The following MAML3 variants were observed in gnomAD, a reference collection of about 807,000 sequenced individuals.
MAML3 encodes mastermind like transcriptional coactivator 3.
MAML3 carries 27 observed loss-of-function variants against 101.9 expected under a neutral mutation model. The observed-to-expected ratio is 0.27, with a 90% CI of 0.20 to 0.37. MAML3 has a LOEUF of 0.37. MAML3 is among the 10% of genes least tolerant of loss of function. The pLI is 1.00. For synonymous variants in MAML3, 501 were observed against 555.9 expected (o/e 0.90, Z 1.39); for missense variants, 1,316 against 1,444.9 (o/e 0.91, Z 1.45).
chr4:139,897,206 C>T (rs973648577), intron 1 of MAML3, among the ~76,000 whole-genome samples: 1 of 152,144 alleles, frequency 6.6e-6, no homozygotes. Flanking sequence ...TCTAGTAAAC[C>T]ACCATATTCC....
intron 1 of MAML3, among the ~76,000 whole-genome samples, chr4:139,922,527 AG>A (rs1341988641): frequency 4.6e-5 from 7 of 152,210 alleles, no homozygotes; most frequent in Non-Finnish European, 1.0e-4. Flanking sequence ...CTGAAAAATC[AG>A]GGGAATTAGA....
chr4:140,142,254 T>C (rs1728990371), intron 1 of MAML3, among the ~76,000 whole-genome samples: 1 of 152,140 alleles, frequency 6.6e-6, no homozygotes, highest in South Asian at 2.1e-4. Flanking sequence ...ATATATAATA[T>C]ATATGTAAGT....
rs1270073985 is a variant in MAML3, at chr4:140,023,802, C to CT, written c.468+129057dup. On this transcript the variant is annotated intron_variant, in intron 1 of 4. Coordinates refer to ENST00000509479, the MANE Select transcript of MAML3 (RefSeq NM_018717.5). ...AATGCTGTTAATTCTGACATTTTAA[C>CT]TTTTTCTTTTGGAAAAATTATCATA... is the stretch of plus-strand genomic sequence containing the variant. Among the ~76,000 whole-genome samples, 12 of 152,322 alleles carry CT rather than the reference C, an allele frequency of 7.9e-5. No homozygotes were observed. The East Asian group carries it at 2.3e-3, about 29-fold the overall frequency.
chr4:140,083,995 G>C (rs2110972296), intron 1 of MAML3, among the ~76,000 whole-genome samples: 1 of 111,454 alleles, frequency 9.0e-6, no homozygotes, highest in Non-Finnish European at 2.0e-5. Context: ...GAGAGAGAGA[G>C]AGAGAGAGAG....
chr4:139,966,123 T>C (rs1214308164), intron 1 of MAML3, among the ~76,000 whole-genome samples: 2 of 152,168 alleles, frequency 1.3e-5, no homozygotes, highest in Non-Finnish European at 2.9e-5. Flanking sequence ...GCAGTCAACA[T>C]GAAAAAATAC....
rs567632990 is a variant in MAML3 at position 139,746,464 on chromosome 4, A to C, written c.2080-15797T>G. Among the ~76,000 whole-genome samples, 4 of 152,294 alleles carry C rather than the reference A, an allele frequency of 2.6e-5. No individual in the cohort carries two copies. In the South Asian group the frequency reaches 8.3e-4, roughly 32 times the overall value. ...TTAAAAATTTTCCTACCCCTTATCA[A>C]GACAACAGAGGAGAAGCAGATACCC... On this transcript the variant is annotated intron_variant, in intron 2 of 4. Coordinates refer to ENST00000509479, the MANE Select transcript of MAML3 (RefSeq NM_018717.5).
rs1271577546 is a variant in MAML3, at chr4:139,718,670, G to C, written c.*653C>G. 1 of 152,390 alleles carries C rather than the reference G, an allele frequency of 6.6e-6. No individual in the cohort carries two copies. Among genetic ancestry groups the C allele is most frequent in the African/African-American group, 2.4e-5 (1 of 41,470 alleles). The allele number at this position is 152,390 out of a possible 1,614,324, so 9.4% of individuals were successfully genotyped here. A position where few individuals can be genotyped will look rare whatever the true frequency, so the allele number is the denominator to read the frequency against. Reference sequence around the variant, plus strand: ...CTCTCCTTGTGACAGCAGAGCCTTTGCAATTCCTGAGGGTCATCATGGGGC... The same window carrying C: ...CTCTCCTTGTGACAGCAGAGCCTTTCCAATTCCTGAGGGTCATCATGGGGC... On this transcript the variant is annotated 3_prime_UTR_variant, in exon 5 of 5. Coordinates refer to ENST00000509479, the MANE Select transcript of MAML3 (RefSeq NM_018717.5).
intron 1 of MAML3, among the ~76,000 whole-genome samples, chr4:140,091,936 TTATTTATTTCCTATC>T (rs775885874): frequency 1.7e-3 from 251 of 152,014 alleles, no homozygotes; most frequent in Non-Finnish European, 2.8e-3. Flanking sequence ...GGCCATAGTT[TTATTTATTTCCTATC>T]TATTTATTTC....
At chr4:140,098,043 A>G (rs1450985190) in intron 1 of MAML3, among the ~76,000 whole-genome samples, 2 of 152,248 alleles carry the variant, frequency 1.3e-5, no homozygotes, top group Non-Finnish European at 2.9e-5. Context: ...AGAATAAGCT[A>G]TCGTTCATTT....
intron 1 of MAML3, among the ~76,000 whole-genome samples, chr4:140,034,272 T>A (rs1288810714): frequency 1.3e-5 from 2 of 152,234 alleles, no homozygotes; most frequent in African/African-American, 4.8e-5. Context: ...TGGAAGTTAA[T>A]TCCTTATAAA....
intron 1 of MAML3, among the ~76,000 whole-genome samples, chr4:139,936,830 C>T (rs373341298): frequency 6.6e-6 from 1 of 152,162 alleles, no homozygotes; most frequent in Admixed American, 6.5e-5. Context: ...AAAGTGACCC[C>T]CCTGAAAGAA....
chr4:139,984,461 TCAA>T (rs1734500233), intron 1 of MAML3, among the ~76,000 whole-genome samples: 1 of 152,116 alleles, frequency 6.6e-6, no homozygotes, highest in Non-Finnish European at 1.5e-5. Flanking sequence ...TATGAAAAAG[TCAA>T]CATACCTAAT....
chr4:139,941,612 A>G (rs951394629), intron 1 of MAML3, among the ~76,000 whole-genome samples: 5 of 152,104 alleles, frequency 3.3e-5, no homozygotes, highest in Non-Finnish European at 7.3e-5. Flanking sequence ...TTCTGGGGAC[A>G]GTAAGAATGA....
chr4:140,129,618 G>A (rs1728751420), intron 1 of MAML3, among the ~76,000 whole-genome samples: 1 of 152,176 alleles, frequency 6.6e-6, no homozygotes, highest in African/African-American at 2.4e-5. Context: ...TTTTCAGGCT[G>A]CTGCGCAATC....
At chr4:140,105,389 T>G (rs1010460402) in intron 1 of MAML3, among the ~76,000 whole-genome samples, 1 of 152,224 alleles carries the variant, frequency 6.6e-6, no homozygotes, top group African/African-American at 2.4e-5. Flanking sequence ...CACTTCATTT[T>G]AAGTTCTCAT....
At chr4:140,104,690 G>C (rs560157182) in intron 1 of MAML3, among the ~76,000 whole-genome samples, 1 of 150,682 alleles carries the variant, frequency 6.6e-6, no homozygotes, top group African/African-American at 2.4e-5. Context: ...ATGAGGTTTC[G>C]CCATGTTGCC....
intron 1 of MAML3, among the ~76,000 whole-genome samples, chr4:140,124,421 C>T (rs1266127136): frequency 6.6e-6 from 1 of 152,176 alleles, no homozygotes; most frequent in African/African-American, 2.4e-5. Flanking sequence ...TTTTAAACAG[C>T]ACTGACTAGG....
chr4:140,109,415 A>G lies in MAML3; in HGVS notation c.468+43445T>C, dbSNP rs572083514. On this transcript the variant is annotated intron_variant, in intron 1 of 4. Coordinates refer to ENST00000509479, the MANE Select transcript of MAML3 (RefSeq NM_018717.5). Reference sequence around the variant, plus strand: ...AGGACTGAAACCTCTTTCAGAGTGCAGAACTAGTTCCCTAGCCCCCAAGCA... The same window carrying G: ...AGGACTGAAACCTCTTTCAGAGTGCGGAACTAGTTCCCTAGCCCCCAAGCA... 1.1e-3 allele frequency among the ~76,000 whole-genome samples: 171 copies of G among 152,356 alleles called. 1 individual carries two copies. Among genetic ancestry groups the G allele is most frequent in the African/African-American group, 3.8e-3 (158 of 41,594 alleles).
chr4:139,939,432 A>G (rs1311010024), intron 1 of MAML3, among the ~76,000 whole-genome samples: 2 of 152,034 alleles, frequency 1.3e-5, no homozygotes, highest in East Asian at 3.9e-4. Context: ...GATTCCCACC[A>G]TGTCTCTTTC....
Sources: allele counts gnomAD v4.1 joint callset (sites outside exome capture counted in the v4.1 genomes callset), GRCh38; gene constraint gnomAD v4.1.1; transcripts MANE v1.5; gene names NCBI Gene and HGNC (gene_info 2026-07-23, HGNC 2026-07-21).